OXR1: variants seen among roughly 807,000 people sequenced by gnomAD.
OXR1 encodes the protein oxidation resistance protein 1.
In OXR1, 41 loss-of-function variants were observed where a neutral mutation model predicts 104.6. The observed-to-expected ratio is 0.39, with a 90% CI of 0.31 to 0.51. The LOEUF is 0.51. Among genes scored for constraint, OXR1 ranks in the 20% least tolerant of loss-of-function variants. The probability of loss-of-function intolerance (pLI) is 0.77; values close to 1 mark genes in which losing one functional copy is unlikely to be tolerated. For synonymous variants in OXR1, 348 were observed against 348.4 expected, an observed-to-expected ratio of 1.00 and a Z score of 0.01; for missense variants, 955 against 1,031.9, an observed-to-expected ratio of 0.93 and a Z score of 1.02.
intron 7 of OXR1, among the ~76,000 whole-genome samples, chr8:106,701,299 T>A (rs1430146260): frequency 6.6e-6 from 1 of 152,248 alleles, no homozygotes; most frequent in Non-Finnish European, 1.5e-5. Flanking sequence ...TTGTGTGCAT[T>A]AACTGTATGT....
intron 1 of OXR1, among the ~76,000 whole-genome samples, chr8:106,330,909 A>C (rs745770480): frequency 2.6e-5 from 4 of 152,222 alleles, no homozygotes; most frequent in Non-Finnish European, 5.9e-5. Context: ...AAAAATATTC[A>C]TTCTTCCCTG....
chr8:106,743,897 C>T lies in OXR1; in HGVS notation c.2412+1580C>T, dbSNP rs187984888. On this transcript the variant is annotated intron_variant, in intron 15 of 16. Coordinates refer to ENST00000517566, the MANE Select transcript of OXR1 (RefSeq NM_001198533.2). ...GGATAAAGAAAATGTGGTACATATA[C>T]ACCATGGAATACACCATATACACCA... 4.9e-4 allele frequency among the ~76,000 whole-genome samples: 75 copies of T among 152,290 alleles called. No homozygotes were observed. The East Asian group carries it at 0.011, about 22-fold the overall frequency.
intron 1 of OXR1, among the ~76,000 whole-genome samples, chr8:106,350,140 A>C (rs555858550): frequency 1.3e-5 from 2 of 152,292 alleles, no homozygotes; most frequent in South Asian, 4.1e-4. Context: ...GCAGACATGA[A>C]AGACGGAGGC....
chr8:106,357,360 C>CA (rs1816016750), intron 1 of OXR1, among the ~76,000 whole-genome samples: 1 of 151,952 alleles, frequency 6.6e-6, no homozygotes, highest in African/African-American at 2.4e-5. Flanking sequence ...TATGCCGTAA[C>CA]AATTTTACCA....
intron 3 of OXR1, among the ~76,000 whole-genome samples, chr8:106,642,521 A>C (rs1156356484): frequency 1.3e-5 from 2 of 152,184 alleles, no homozygotes; most frequent in Non-Finnish European, 2.9e-5. Flanking sequence ...GTATGTGAAA[A>C]GAAAAGAGCA....
chr8:106,340,437 A>T (rs1342216724), intron 1 of OXR1, among the ~76,000 whole-genome samples: 1 of 152,152 alleles, frequency 6.6e-6, no homozygotes, highest in Non-Finnish European at 1.5e-5. Context: ...AGAAAGTTTA[A>T]ATTGTCCCCT....
chr8:106,549,241 AAC>A, intron 3 of OXR1, among the ~76,000 whole-genome samples: 1 of 137,094 alleles, frequency 7.3e-6, no homozygotes, highest in African/African-American at 2.6e-5. Flanking sequence ...AAACATATCA[AAC>A]ATTTTTTTTT....
At chr8:106,678,764 A>G (rs896411603) in intron 3 of OXR1, among the ~76,000 whole-genome samples, 16 of 152,072 alleles carry the variant, frequency 1.1e-4, no homozygotes, top group Admixed American at 5.2e-4. Context: ...AGAGAAGACT[A>G]TTTTTCATTA....
chr8:106,595,760 A>G (rs1327162718), intron 3 of OXR1, among the ~76,000 whole-genome samples: 1 of 152,096 alleles, frequency 6.6e-6, no homozygotes, highest in African/African-American at 2.4e-5. Flanking sequence ...CATATCCCAT[A>G]AACATTTGTG....
At chr8:106,375,961 C>T (rs1448655867) in intron 2 of OXR1, among the ~76,000 whole-genome samples, 1 of 152,218 alleles carries the variant, frequency 6.6e-6, no homozygotes, top group East Asian at 1.9e-4. Context: ...GCCATCCTCA[C>T]ACCTCAGCCT....
intron 1 of OXR1, among the ~76,000 whole-genome samples, chr8:106,282,590 A>C (rs1297750849): frequency 6.6e-6 from 1 of 152,208 alleles, no homozygotes; most frequent in Non-Finnish European, 1.5e-5. Flanking sequence ...CTGTATTCTT[A>C]AAAGAAAGTA....
At chr8:106,687,063 A>G (rs1828809711) in intron 6 of OXR1, among the ~76,000 whole-genome samples, 1 of 152,110 alleles carries the variant, frequency 6.6e-6, no homozygotes, top group South Asian at 2.1e-4. Context: ...CTTACTCTGT[A>G]TTCTCTAGTG....
chr8:106,727,216 A>T (rs1833430476), intron 11 of OXR1, among the ~76,000 whole-genome samples: 1 of 149,774 alleles, frequency 6.7e-6, no homozygotes, highest in Non-Finnish European at 1.5e-5. Context: ...TTAAACCAAG[A>T]ACAATGAAGC....
chr8:106,524,028 G>A (rs940982112), intron 3 of OXR1, among the ~76,000 whole-genome samples: 1 of 151,894 alleles, frequency 6.6e-6, no homozygotes, highest in African/African-American at 2.4e-5. Context: ...CATCTGCCTC[G>A]ACCTCCCAAA....
intron 1 of OXR1, among the ~76,000 whole-genome samples, chr8:106,339,592 CATT>C (rs1023108868): frequency 2.1e-4 from 26 of 124,516 alleles, no homozygotes; most frequent in African/African-American, 7.7e-4. Flanking sequence ...ACTCAATAAT[CATT>C]ATAGAGACTA....
At chr8:106,339,911 G>A (rs976797275) in intron 1 of OXR1, among the ~76,000 whole-genome samples, 1 of 152,012 alleles carries the variant, frequency 6.6e-6, no homozygotes, top group East Asian at 1.9e-4. Context: ...AATGTAGTAA[G>A]CAATATAAAT....
chr8:106,689,512 C>A (rs1300487541), intron 6 of OXR1, among the ~76,000 whole-genome samples: 2 of 151,800 alleles, frequency 1.3e-5, no homozygotes, highest in Non-Finnish European at 2.9e-5. Context: ...CATAACATTG[C>A]CTCATAAAAT....
intron 2 of OXR1, among the ~76,000 whole-genome samples, chr8:106,384,200 G>A (rs1035838547): frequency 1.3e-5 from 2 of 152,196 alleles, no homozygotes; most frequent in East Asian, 3.8e-4. Flanking sequence ...TTAACTTTAA[G>A]ACCAATTGGA....
intron 2 of OXR1, among the ~76,000 whole-genome samples, chr8:106,452,193 A>G (rs1225231853): frequency 6.6e-6 from 1 of 152,184 alleles, no homozygotes; most frequent in African/African-American, 2.4e-5. Context: ...ATGATACAAG[A>G]TGGAAACCGA....
Sources: gnomAD v4.1 joint callset for allele counts (sites outside exome capture counted in the v4.1 genomes callset) on GRCh38, gnomAD v4.1.1 for gene constraint, MANE v1.5 for transcripts, NCBI Gene and HGNC (gene_info 2026-07-23, HGNC 2026-07-21) for gene names.